The following DIAPH1 variants were observed in gnomAD, a reference collection of about 807,000 sequenced individuals.
DIAPH1 encodes diaphanous related formin 1.
Under a neutral mutation model 140.7 loss-of-function variants are expected in DIAPH1, and 46 were observed. The ratio of observed to expected loss-of-function variants is 0.33; its 90% confidence interval spans 0.26 to 0.42. The LOEUF (loss-of-function observed/expected upper bound fraction) is 0.42. DIAPH1 is among the 10% of genes least tolerant of loss of function. The probability of loss-of-function intolerance (pLI) is 1.00; values close to 1 mark genes in which losing one functional copy is unlikely to be tolerated. For synonymous variants in DIAPH1, 565 were observed against 551.6 expected, an observed-to-expected ratio of 1.02 and a Z score of -0.34; for missense variants, 1,310 against 1,558.7, an observed-to-expected ratio of 0.84 and a Z score of 2.69.
At chr5:141,522,096 C>G (rs974083396) in intron 27 of DIAPH1, among the ~76,000 whole-genome samples, 1 of 152,190 alleles carries the variant, frequency 6.6e-6, no homozygotes, top group African/African-American at 2.4e-5. Flanking sequence ...CGCATCACAT[C>G]ACTTTACATG....
intron 27 of DIAPH1, chr5:141,518,842 G>T (rs762339391): frequency 5.2e-5 from 60 of 1,160,388 alleles, no homozygotes; most frequent in Non-Finnish European, 7.6e-5. Context: ...TCTTAACCAG[G>T]TCTTCTCTCC....
intron 1 of DIAPH1, among the ~76,000 whole-genome samples, chr5:141,615,742 CAAAA>C (rs1200548662): frequency 1.3e-5 from 2 of 150,524 alleles, no homozygotes; most frequent in Non-Finnish European, 3.0e-5. Flanking sequence ...GACTCCATCT[CAAAA>C]AAAGAAAAAA....
intron 27 of DIAPH1, among the ~76,000 whole-genome samples, chr5:141,523,303 C>T (rs1373125475): frequency 1.3e-5 from 2 of 152,206 alleles, no homozygotes; most frequent in East Asian, 3.8e-4. Flanking sequence ...GAAGCCACCA[C>T]TCCTAGCCTC....
intron 26 of DIAPH1, 94 bp downstream of exon 26, chr5:141,525,944 T>G: frequency 6.3e-7 from 1 of 1,594,432 alleles, no homozygotes; most frequent in Non-Finnish European, 8.5e-7. Context: ...TGCCAGGAGG[T>G]GAGCTCAGAC....
Position 141,618,789 on chromosome 5 carries a change from G to A in DIAPH1, c.117+9C>T, listed in dbSNP as rs528279050. The A allele has an allele frequency of 1.5e-4, 230 of 1,539,470 alleles. 1 individual carries two copies. In the South Asian group the frequency reaches 2.5e-3, roughly 17 times the overall value. On this transcript the variant is annotated intron_variant, in intron 1 of 27. Transcript: ENST00000389054. ...GGCCAGGCAGGAGCGGGATGGGAGGGACACTCACAAATTTCTTAGATTTGC... is the reference window on the plus strand; with the variant it reads ...GGCCAGGCAGGAGCGGGATGGGAGGAACACTCACAAATTTCTTAGATTTGC...
At chr5:141,618,093 T>C (rs1022231733) in intron 1 of DIAPH1, among the ~76,000 whole-genome samples, 1 of 152,176 alleles carries the variant, frequency 6.6e-6, no homozygotes, top group East Asian at 1.9e-4. Flanking sequence ...CTCTGAAAAG[T>C]GATAAGCAAC....
At chr5:141,586,856 T>C (rs2099897622) in intron 3 of DIAPH1, among the ~76,000 whole-genome samples, 186 bp downstream of exon 3, 2 of 152,230 alleles carry the variant, frequency 1.3e-5, no homozygotes, top group African/African-American at 4.8e-5. Context: ...CAGATTCCAA[T>C]TTTATGAACT....
At chr5:141,618,497 TGA>T (rs1321225695) in intron 1 of DIAPH1, 17 of 295,516 alleles carry the variant, frequency 5.8e-5, no homozygotes, top group South Asian at 2.8e-4. Context: ...GAAGTGAGGC[TGA>T]GAGGGGAGAG....
At chr5:141,589,795 C>T (rs2099898111) in intron 1 of DIAPH1, among the ~76,000 whole-genome samples, 2 of 151,926 alleles carry the variant, frequency 1.3e-5, no homozygotes, top group African/African-American at 2.4e-5. Context: ...TATACTTTAC[C>T]CCTCCTGCCC....
intron 9 of DIAPH1, among the ~76,000 whole-genome samples, chr5:141,578,876 AT>A (rs1374466185): frequency 5.3e-5 from 8 of 152,218 alleles, no homozygotes; most frequent in Non-Finnish European, 1.5e-5. Context: ...TTGTAAATAG[AT>A]ATCATGCCTT....
intron 1 of DIAPH1, among the ~76,000 whole-genome samples, chr5:141,607,937 A>C (rs1238714534): frequency 6.6e-6 from 1 of 152,244 alleles, no homozygotes; most frequent in African/African-American, 2.4e-5. Flanking sequence ...AATGATTCAT[A>C]ATAACCCCCT....
chr5:141,576,269 C>T lies in DIAPH1; in HGVS notation c.1422G>A (p.Val474=), dbSNP rs1410781070. 1 of 1,614,058 alleles carries T rather than the reference C, an allele frequency of 6.2e-7. No individual in the cohort carries two copies. Among genetic ancestry groups the T allele is most frequent in the South Asian group, 1.1e-5 (1 of 91,078 alleles). The change falls in exon 14 of 28, where the codon GTG becomes GTA. Residue 474 remains valine, a synonymous_variant. Transcript: ENST00000389054. The part of the protein sequence containing the change: ...LIDQMIDKTK[V]EKSEAKAAEL... ...CTGCAGCTTTGGCTTCAGATTTCTC[C>T]ACCTTTGTCTTATCAATCATTTGAT...
chr5:141,529,305 G>T (rs200932257), intron 20 of DIAPH1, 32 bp from the exon 21 acceptor site: 5 of 1,558,552 alleles, frequency 3.2e-6, no homozygotes, highest in African/African-American at 1.4e-5. Flanking sequence ...TCAGCTGGAG[G>T]GGAATTCGCT....
At chr5:141,563,212 A>G (rs1051906654) in intron 18 of DIAPH1, 7 of 152,180 alleles carry the variant, frequency 4.6e-5, no homozygotes, top group African/African-American at 1.7e-4. Flanking sequence ...CTTCTTCAAA[A>G]TGTCCTTCTA....
intron 18 of DIAPH1, among the ~76,000 whole-genome samples, chr5:141,555,495 T>C (rs183628165): frequency 2.6e-4 from 39 of 152,254 alleles, no homozygotes; most frequent in African/African-American, 8.4e-4. Context: ...TAATTAATCA[T>C]CCAGATACTA....
chr5:141,557,034 C>T (rs1209013128), intron 18 of DIAPH1, among the ~76,000 whole-genome samples: 1 of 151,564 alleles, frequency 6.6e-6, no homozygotes, highest in African/African-American at 2.4e-5. Context: ...AAATAAATTG[C>T]AAAATAAAAA....
At chr5:141,560,827 T>A (rs2154595955) in intron 18 of DIAPH1, 1 of 455,814 alleles carries the variant, frequency 2.2e-6, no homozygotes, top group South Asian at 1.5e-5. Flanking sequence ...TGGAATAAAC[T>A]CCCAGCCCCC....
Position 141,529,841 on chromosome 5 carries a change from C to T in DIAPH1, c.2582-144G>A, listed in dbSNP as rs1214720894. 27 of 733,912 alleles carry T rather than the reference C, an allele frequency of 3.7e-5. No homozygotes were observed. In the East Asian group the frequency reaches 6.9e-4, roughly 19 times the overall value. 45.5% of individuals were successfully genotyped at this position (733,912 alleles called of 1,614,324 possible). Reference sequence around the variant, plus strand: ...GCTCATGCCTGTAATCCCAGCACTTCGGGAGGCCAAGGTGGGCGGATCGCT... The same window carrying T: ...GCTCATGCCTGTAATCCCAGCACTTTGGGAGGCCAAGGTGGGCGGATCGCT... On this transcript the variant is annotated intron_variant, in intron 19 of 27. Coordinates refer to ENST00000389054, the MANE Select transcript of DIAPH1 (RefSeq NM_005219.5).
chr5:141,586,978 A>G, intron 3 of DIAPH1, 64 bp downstream of exon 3: 1 of 1,581,258 alleles, frequency 6.3e-7, no homozygotes, highest in South Asian at 1.1e-5. Flanking sequence ...TTATGCACCA[A>G]AAAGAGCCCA....
Sources: gnomAD v4.1 joint callset for allele counts (sites outside exome capture counted in the v4.1 genomes callset) on GRCh38, gnomAD v4.1.1 for gene constraint, MANE v1.5 for transcripts, NCBI Gene and HGNC (gene_info 2026-07-23, HGNC 2026-07-21) for gene names.